Variants in PTER observed in about 807,000 individuals in gnomAD.
PTER encodes N-acetyltaurine hydrolase.
PTER carries 38 observed loss-of-function variants against 29.6 expected under a neutral mutation model. The observed-to-expected ratio is 1.28, with a 90% CI of 0.99 to 1.68. The LOEUF is 1.68. Among genes scored for constraint, PTER ranks in the 40% most tolerant of loss-of-function variants. PTER has a pLI of 0.00. For synonymous variants in PTER, 172 were observed against 154.5 expected, an observed-to-expected ratio of 1.11 and a Z score of -0.84; for missense variants, 482 against 427.8, an observed-to-expected ratio of 1.13 and a Z score of -1.12.
At chr10:16,477,304 A>ATAGATGTCTGTC (rs150732442) in intron 1 of PTER, among the ~76,000 whole-genome samples, 6 of 151,474 alleles carry the variant, frequency 4.0e-5, no homozygotes. Context: ...AGATAGATGG[A>ATAGATGTCTGTC]TGTCTGTCTG....
intron 1 of PTER, among the ~76,000 whole-genome samples, chr10:16,472,905 A>C (rs1427870325): frequency 6.6e-6 from 1 of 152,170 alleles, no homozygotes; most frequent in Non-Finnish European, 1.5e-5. Context: ...CATTTAAACC[A>C]GACTTCATGT....
At chr10:16,445,560 G>A (rs968665720) in intron 1 of PTER, among the ~76,000 whole-genome samples, 1 of 152,076 alleles carries the variant, frequency 6.6e-6, no homozygotes, top group East Asian at 1.9e-4. Flanking sequence ...CCATGAGTCA[G>A]TGCCTTTCTC....
rs117813208 is a variant in PTER at position 16,479,395 on chromosome 10, C to T, written c.-48-4942C>T. Among the ~76,000 whole-genome samples the T allele has an allele frequency of 4.5e-3, 688 of 152,000 alleles. 2 individuals carry two copies. Among genetic ancestry groups the T allele is most frequent in the Non-Finnish European group, 8.0e-3 (546 of 67,960 alleles). On this transcript the variant is annotated intron_variant, in intron 1 of 4. Transcript: ENST00000535784. The stretch of plus-strand genomic sequence containing the variant: ...TCCAAGGAGGGACTCCTGGTGTCAC[C>T]GTTGGTCAGTGTCCAGGCCCAGGCT...
chr10:16,455,733 C>G (rs1380482945), intron 1 of PTER, among the ~76,000 whole-genome samples: 1 of 152,092 alleles, frequency 6.6e-6, no homozygotes, highest in Non-Finnish European at 1.5e-5. Context: ...TTAACTTCAT[C>G]TGATACCTAA....
rs561048701 is a variant in PTER, at chr10:16,499,254, G to A, written c.699-5766G>A. On this transcript the variant is annotated intron_variant, in intron 3 of 4. Coordinates refer to ENST00000535784, the MANE Select transcript of PTER (RefSeq NM_001261836.2). ...TCAGGTGTTGATTTTCTTGTTTCCC[G>A]TCCCACCCCTTATTAATATCTCATA... 5.9e-5 allele frequency among the ~76,000 whole-genome samples: 9 copies of A among 151,864 alleles called. No homozygotes were observed. The South Asian group carries it at 1.3e-3, about 21-fold the overall frequency.
chr10:16,484,437 G>A lies in PTER; in HGVS notation c.53G>A (p.Ser18Asn), dbSNP rs1835601896. 3 of 1,612,786 alleles carry A rather than the reference G, an allele frequency of 1.9e-6. No individual in the cohort carries two copies. Among genetic ancestry groups the A allele is most frequent in the South Asian group, 2.2e-5 (2 of 90,708 alleles). The change falls in exon 2 of 5, where the codon AGC becomes AAC. Residue 18 changes from serine to asparagine, a missense_variant. By Grantham distance (46) the Ser-to-Asn change is conservative. Coordinates refer to ENST00000535784, the MANE Select transcript of PTER (RefSeq NM_001261836.2). ...VQTVLGLVEP[S>N]KLGRTLTHEH... The stretch of plus-strand genomic sequence containing the variant: ...ACCGTTTTGGGCCTTGTAGAGCCAA[G>A]CAAACTGGGCCGTACCCTGACCCAT...
At chr10:16,481,313 A>G (rs1184138956) in intron 1 of PTER, among the ~76,000 whole-genome samples, 2 of 152,176 alleles carry the variant, frequency 1.3e-5, no homozygotes, top group Non-Finnish European at 2.9e-5. Flanking sequence ...AGCTGCTCTC[A>G]TCGTTCCTTA....
At chr10:16,450,892 A>G (rs1424695740) in intron 1 of PTER, among the ~76,000 whole-genome samples, 1 of 152,200 alleles carries the variant, frequency 6.6e-6, no homozygotes, top group African/African-American at 2.4e-5. Context: ...TATCAAATGC[A>G]TCTATTTTGC....
intron 1 of PTER, among the ~76,000 whole-genome samples, chr10:16,452,514 C>T (rs1330028019): frequency 1.3e-5 from 2 of 151,930 alleles, no homozygotes; most frequent in Non-Finnish European, 2.9e-5. Context: ...GTTGGTCAGG[C>T]TGGTCTTGAA....
chr10:16,457,417 G>A (rs1258498392), intron 1 of PTER, among the ~76,000 whole-genome samples: 2 of 152,068 alleles, frequency 1.3e-5, no homozygotes, highest in African/African-American at 4.8e-5. Flanking sequence ...GTTTCACCGT[G>A]TTAGCCACGA....
intron 1 of PTER, among the ~76,000 whole-genome samples, chr10:16,482,283 G>A (rs1351905871): frequency 1.3e-5 from 2 of 152,184 alleles, no homozygotes; most frequent in Admixed American, 6.5e-5. Flanking sequence ...GACCTCTGAT[G>A]TTGTTTTCAC....
At chr10:16,453,133 C>T (rs1421526957) in intron 1 of PTER, among the ~76,000 whole-genome samples, 1 of 152,120 alleles carries the variant, frequency 6.6e-6, no homozygotes, top group African/African-American at 2.4e-5. Context: ...CCAGGCTGAT[C>T]TTGAATTCCT....
At chr10:16,478,865 A>T (rs185913029) in intron 1 of PTER, among the ~76,000 whole-genome samples, 1 of 152,202 alleles carries the variant, frequency 6.6e-6, no homozygotes, top group African/African-American at 2.4e-5. Context: ...AATGGCTTCA[A>T]TGGATTTACT....
intron 1 of PTER, among the ~76,000 whole-genome samples, chr10:16,447,101 C>CTT (rs71374690): frequency 0.029 from 3,626 of 124,554 alleles, 181 homozygotes; most frequent in African/African-American, 0.085. Flanking sequence ...TTTTTCTTTT[C>CTT]TTTTTTTTTT....
At chr10:16,449,641 G>T (rs910827265) in intron 1 of PTER, among the ~76,000 whole-genome samples, 8 of 151,552 alleles carry the variant, frequency 5.3e-5, no homozygotes, top group African/African-American at 1.9e-4. Context: ...TTTAAATTTT[G>T]TAGTTGAGTG....
In PTER at chr10:16,484,648, AG is replaced by A. The variant is rs1420009509; in HGVS notation, c.265del (p.Ala89LeufsTer22). 6.2e-7 allele frequency: 1 copy of A among 1,614,206 alleles called. No homozygotes were observed. The highest frequency in any genetic ancestry group is 2.2e-5 in the East Asian group (1 of 44,884). On this transcript the variant is annotated frameshift_variant, in exon 2 of 5. Transcript: ENST00000535784. LOFTEE classifies it high-confidence loss of function. ...TAAAGGAAGAACTGTTGTATTTTAAAGCTAATGGTGGAGGGGCTTTGGTGGA... is the reference window on the plus strand; with the variant it reads ...TAAAGGAAGAACTGTTGTATTTTAAACTAATGGTGGAGGGGCTTTGGTGGA... ...AIKEELLYFKANGGGALVENT... is the reference protein window; with the variant it reads ...AIKEELLYFKXNGGGALVENT...
intron 3 of PTER, among the ~76,000 whole-genome samples, chr10:16,497,674 C>T (rs1292700211): frequency 6.6e-6 from 1 of 152,208 alleles, no homozygotes; most frequent in African/African-American, 2.4e-5. Flanking sequence ...TTCCTCTGCT[C>T]CTTAGTTCTT....
At position 16,505,133 on chromosome 10, in the gene PTER, T is replaced by G; in HGVS notation, c.812T>G (p.Met271Arg). The G allele has an allele frequency of 6.2e-7, 1 of 1,614,034 alleles. No individual in the cohort carries two copies. The highest frequency in any genetic ancestry group is 1.3e-5 in the African/African-American group (1 of 75,056). Residue 271 changes from methionine (M) to arginine (R), a missense_variant, in exon 4 of 5, where the codon ATG (methionine) becomes AGG (arginine). Met to Arg is a moderately conservative substitution (Grantham distance 91). Transcript: ENST00000535784. Reference sequence around the variant, plus strand: ...TACCAACTCGGCCCAGATATTGACATGCCTGATGATAACAAAAGAATTAGA... The same window carrying G: ...TACCAACTCGGCCCAGATATTGACAGGCCTGATGATAACAAAAGAATTAGA... ...LHYQLGPDID[M>R]PDDNKRIRRV... is the part of the protein sequence containing the mutation.
chr10:16,447,411 T>G (rs1450426150), intron 1 of PTER, among the ~76,000 whole-genome samples: 2 of 152,048 alleles, frequency 1.3e-5, no homozygotes, highest in Non-Finnish European at 2.9e-5. Flanking sequence ...TGTAAAATAT[T>G]TTTTATGTGG....
Sources: allele counts gnomAD v4.1 joint callset (sites outside exome capture counted in the v4.1 genomes callset), GRCh38; gene constraint gnomAD v4.1.1; transcripts MANE v1.5; gene names NCBI Gene and HGNC (gene_info 2026-07-23, HGNC 2026-07-21).